LHFPL6: variants seen among roughly 807,000 people sequenced by gnomAD.
LHFPL6 encodes LHFPL tetraspan subfamily member 6.
In LHFPL6, 9 loss-of-function variants were observed where a neutral mutation model predicts 20.6. The observed-to-expected ratio is 0.44, with a 90% confidence interval of 0.26 to 0.76. The LOEUF (loss-of-function observed/expected upper bound fraction) is 0.76. Ranked by LOEUF, LHFPL6 falls within the 30% of genes least tolerant of loss-of-function variation. The pLI, the probability that LHFPL6 is intolerant of heterozygous loss-of-function variation, is 0.20. For missense variants in LHFPL6, 218 were observed against 253.5 expected (o/e 0.86, Z 0.95); for synonymous variants, 105 against 98.7 (o/e 1.06, Z -0.38).
intron 2 of LHFPL6, among the ~76,000 whole-genome samples, chr13:39,596,286 A>T (rs1872768369): frequency 6.6e-6 from 1 of 152,198 alleles, no homozygotes; most frequent in Non-Finnish European, 1.5e-5. Flanking sequence ...AGAGAGGTTT[A>T]TAGCAGATTA....
intron 2 of LHFPL6, among the ~76,000 whole-genome samples, chr13:39,440,835 T>G (rs1332925765): frequency 6.6e-6 from 1 of 152,154 alleles, no homozygotes; most frequent in Non-Finnish European, 1.5e-5. Context: ...CGGGGGCAGA[T>G]CTTTCCTGCC....
At chr13:39,371,286 CTT>C (rs1239138400) in intron 3 of LHFPL6, among the ~76,000 whole-genome samples, 2 of 152,190 alleles carry the variant, frequency 1.3e-5, no homozygotes, top group African/African-American at 2.4e-5. Flanking sequence ...TGAAACACTA[CTT>C]TTGATCACAA....
chr13:39,563,927 C>T lies in LHFPL6; in HGVS notation c.385+36905G>A, dbSNP rs142720171. Among the ~76,000 whole-genome samples the T allele has an allele frequency of 1.6e-3, 241 of 152,112 alleles. 3 individuals carry two copies. The highest frequency in any genetic ancestry group is 6.8e-3 in the Middle Eastern group (2 of 294). On this transcript the variant is annotated intron_variant, in intron 2 of 3. Transcript: ENST00000379589. ...GGCTAATAGACACTATCCCCTAGGG[C>T]GGTTATGTGAGAGAATAGACACTTG...
At chr13:39,591,489 T>A (rs1872589732) in intron 2 of LHFPL6, among the ~76,000 whole-genome samples, 1 of 152,208 alleles carries the variant, frequency 6.6e-6, no homozygotes, top group Non-Finnish European at 1.5e-5. Context: ...GTTCTGATGT[T>A]CTGCAGCTCA....
intron 2 of LHFPL6, among the ~76,000 whole-genome samples, chr13:39,393,093 G>A (rs1268198126): frequency 6.6e-6 from 1 of 152,118 alleles, no homozygotes; most frequent in Non-Finnish European, 1.5e-5. Context: ...CAAATACGGT[G>A]CCATTTTACA....
intron 2 of LHFPL6, among the ~76,000 whole-genome samples, chr13:39,565,616 G>A (rs76396637): frequency 0.01 from 1,573 of 152,294 alleles, 57 homozygotes; most frequent in East Asian, 0.085. Context: ...GCATTAATTG[G>A]GTTATTTCTG....
At chr13:39,479,135 ATCTATC>A (rs780472567) in intron 2 of LHFPL6, among the ~76,000 whole-genome samples, 1 of 151,634 alleles carries the variant, frequency 6.6e-6, no homozygotes. Context: ...CTATCTATCT[ATCTATC>A]TATCTATCTA....
At chr13:39,368,525 T>C (rs60550742) in intron 3 of LHFPL6, among the ~76,000 whole-genome samples, 1,947 of 152,282 alleles carry the variant, frequency 0.013, 37 homozygotes, top group African/African-American at 0.045. Context: ...GAGGTTGCAG[T>C]GAGCCAAGAT....
chr13:39,396,158 T>A (rs902958284), intron 2 of LHFPL6, among the ~76,000 whole-genome samples: 18 of 152,032 alleles, frequency 1.2e-4, no homozygotes. Flanking sequence ...CCAGGTGGGA[T>A]GGAGCAAGGT....
intron 2 of LHFPL6, among the ~76,000 whole-genome samples, chr13:39,421,906 C>T (rs1871499734): frequency 6.6e-6 from 1 of 152,186 alleles, no homozygotes; most frequent in African/African-American, 2.4e-5. Context: ...GGAATCTGTA[C>T]ACTCATAAAG....
chr13:39,490,341 C>T (rs977108300), intron 2 of LHFPL6, among the ~76,000 whole-genome samples: 2 of 152,162 alleles, frequency 1.3e-5, no homozygotes, highest in Non-Finnish European at 2.9e-5. Flanking sequence ...TCTCTAAAAG[C>T]CTGATAGGGG....
Position 39,343,689 on chromosome 13 carries a change from T to A in LHFPL6, c.*247A>T, listed in dbSNP as rs897336495. On this transcript the variant is annotated 3_prime_UTR_variant, in exon 4 of 4. Transcript: ENST00000379589. The stretch of plus-strand genomic sequence containing the variant: ...TACTCTGTGGAATAGAAACACCCGA[T>A]GCCCTGCAATATTTTTAGCCTTTGG... 20 of 415,018 alleles carry A rather than the reference T, an allele frequency of 4.8e-5. No individual in the cohort carries two copies. Among genetic ancestry groups the A allele is most frequent in the Non-Finnish European group, 8.7e-5 (20 of 228,996 alleles). 25.7% of individuals were successfully genotyped at this position (415,018 alleles called of 1,614,324 possible). A position where few individuals can be genotyped will look rare whatever the true frequency, so the allele number is the denominator to read the frequency against.
chr13:39,542,351 C>CAA (rs1870834358), intron 2 of LHFPL6, among the ~76,000 whole-genome samples: 1 of 152,096 alleles, frequency 6.6e-6, no homozygotes, highest in Non-Finnish European at 1.5e-5. Context: ...AACTAATAAA[C>CAA]GTTGGAAATG....
chr13:39,480,701 T>C (rs1015432420), intron 2 of LHFPL6, among the ~76,000 whole-genome samples: 1 of 152,144 alleles, frequency 6.6e-6, no homozygotes, highest in Non-Finnish European at 1.5e-5. Context: ...AAGTAGTAAG[T>C]CAAGGCAGAA....
In LHFPL6 at chr13:39,572,590, G is replaced by A. The variant is rs115917001; in HGVS notation, c.385+28242C>T. On this transcript the variant is annotated intron_variant, in intron 2 of 3. Transcript: ENST00000379589. ...AACACACCACAGTCCAATTTTCTACGCAAAGTAGGCTTGGCCACCTATCTT... is the reference window on the plus strand; with the variant it reads ...AACACACCACAGTCCAATTTTCTACACAAAGTAGGCTTGGCCACCTATCTT... Among the ~76,000 whole-genome samples, 950 of 152,232 alleles carry A rather than the reference G, an allele frequency of 6.2e-3. 8 individuals are homozygous for A. Among genetic ancestry groups the A allele is most frequent in the African/African-American group, 0.022 (909 of 41,520 alleles).
intron 3 of LHFPL6, among the ~76,000 whole-genome samples, chr13:39,366,167 T>C (rs572935906): frequency 2.0e-5 from 3 of 152,336 alleles, no homozygotes; most frequent in African/African-American, 7.2e-5. Context: ...ATATTTTGAA[T>C]ATCACTCAGA....
At chr13:39,495,328 C>T (rs952640280) in intron 2 of LHFPL6, among the ~76,000 whole-genome samples, 1 of 152,156 alleles carries the variant, frequency 6.6e-6, no homozygotes, top group Non-Finnish European at 1.5e-5. Flanking sequence ...GCCTCTCTCA[C>T]GCTGACCGGT....
intron 2 of LHFPL6, among the ~76,000 whole-genome samples, chr13:39,396,272 A>G (rs1870840177): frequency 6.6e-6 from 1 of 152,132 alleles, no homozygotes; most frequent in African/African-American, 2.4e-5. Context: ...GATATTGTAT[A>G]TAAGGGCAAG....
chr13:39,562,501 T>TATACAC (rs1871544123), intron 2 of LHFPL6, among the ~76,000 whole-genome samples: 2 of 144,180 alleles, frequency 1.4e-5, no homozygotes, highest in African/African-American at 2.6e-5. Flanking sequence ...CATATACATA[T>TATACAC]ATACATATAT....
Sources: gnomAD v4.1 joint callset for allele counts (sites outside exome capture counted in the v4.1 genomes callset) on GRCh38, gnomAD v4.1.1 for gene constraint, MANE v1.5 for transcripts, NCBI Gene and HGNC (gene_info 2026-07-23, HGNC 2026-07-21) for gene names.